TENM3: variants seen among roughly 807,000 people sequenced by gnomAD.
TENM3 encodes teneurin-3.
Under a neutral mutation model 255.1 loss-of-function variants are expected in TENM3, and 63 were observed. That is an observed-to-expected ratio of 0.25 (90% CI 0.20 to 0.30). The LOEUF is 0.30. Ranked by LOEUF, TENM3 falls within the 10% of genes least tolerant of loss-of-function variation. The pLI is 1.00. For missense variants in TENM3, 2,929 were observed against 3,461.1 expected, an observed-to-expected ratio of 0.85 and a Z score of 3.86; for synonymous variants, 1,306 against 1,322.3, an observed-to-expected ratio of 0.99 and a Z score of 0.27.
intron 3 of TENM3, among the ~76,000 whole-genome samples, chr4:182,376,515 C>T (rs1460541649): frequency 6.6e-6 from 1 of 152,054 alleles, no homozygotes; most frequent in Non-Finnish European, 1.5e-5. Context: ...AATTATTTAC[C>T]TCAAGTTTAA....
At chr4:182,617,482 T>C (rs2152444107) in intron 4 of TENM3, among the ~76,000 whole-genome samples, 1 of 152,310 alleles carries the variant, frequency 6.6e-6, no homozygotes. Flanking sequence ...AAATGTCATT[T>C]TGGAAAAGTC....
At chr4:182,477,991 A>G (rs1380244948) in intron 3 of TENM3, among the ~76,000 whole-genome samples, 2 of 152,158 alleles carry the variant, frequency 1.3e-5, no homozygotes, top group Non-Finnish European at 2.9e-5. Context: ...ATACTTTTAT[A>G]TCATACCAAT....
chr4:181,821,008 G>A, the TENM3 span, among the ~76,000 whole-genome samples: 22 of 152,256 alleles, frequency 1.4e-4, 1 homozygote, highest in Middle Eastern at 3.4e-3. Context: ...TCAATTTCCA[G>A]GTTGGGCAGT....
At chr4:182,479,439 C>T (rs554395209) in intron 3 of TENM3, among the ~76,000 whole-genome samples, 65 of 152,002 alleles carry the variant, frequency 4.3e-4, no homozygotes, top group African/African-American at 1.4e-3. Context: ...ATCCCCAGAA[C>T]ACTGCAGCCT....
rs70954298 is a variant in TENM3 at position 182,186,762 on chromosome 4, CATAT to C, written c.-76+42057_-76+42060del. ...TTGGGTAAGAAATATACTAATGCATCATATATATATATATATATATATATATATA... is the reference window on the plus strand; with the variant it reads ...TTGGGTAAGAAATATACTAATGCATCATATATATATATATATATATATATA... On this transcript the variant is annotated intron_variant, in intron 1 of 2. Transcript: ENST00000512480. 4.7e-3 allele frequency among the ~76,000 whole-genome samples: 128 copies of C among 27,412 alleles called. 1 individual carries two copies. Among genetic ancestry groups the C allele is most frequent in the Non-Finnish European group, 5.7e-3 (77 of 13,478 alleles). 18.0% of individuals were successfully genotyped at this position (27,412 alleles called of 152,430 possible).
At chr4:182,772,246 T>TATC (rs1235575950) in intron 22 of TENM3, among the ~76,000 whole-genome samples, 1 of 152,206 alleles carries the variant, frequency 6.6e-6, no homozygotes, top group Admixed American at 6.5e-5. Context: ...AAAACACCTC[T>TATC]ATCCTTTTAT....
At chr4:182,614,660 G>C (rs1409935757) in intron 4 of TENM3, among the ~76,000 whole-genome samples, 4 of 152,088 alleles carry the variant, frequency 2.6e-5, no homozygotes, top group African/African-American at 9.6e-5. Context: ...TAAAAAACTA[G>C]TCCTCCTAGT....
chr4:181,904,195 G>T, the TENM3 span, among the ~76,000 whole-genome samples: 13 of 151,934 alleles, frequency 8.6e-5, no homozygotes, highest in South Asian at 2.7e-3. Context: ...ATCCTCCACC[G>T]CCACCACCTT....
chr4:182,752,481 T>C (rs544900171), intron 20 of TENM3, among the ~76,000 whole-genome samples: 49 of 151,894 alleles, frequency 3.2e-4, no homozygotes, highest in Non-Finnish European at 5.6e-4. Flanking sequence ...TTTGTTTCTA[T>C]GCCATGGGAA....
intron 3 of TENM3, among the ~76,000 whole-genome samples, chr4:182,527,840 G>T (rs1425501885): frequency 6.6e-6 from 1 of 152,090 alleles, no homozygotes; most frequent in Admixed American, 6.5e-5. Flanking sequence ...CAGATCTTCT[G>T]CCTCAGCCTC....
At chr4:182,066,599 A>AAAAAATATAT in the TENM3 span, among the ~76,000 whole-genome samples, 13 of 137,104 alleles carry the variant, frequency 9.5e-5, no homozygotes, top group Non-Finnish European at 1.4e-4. Context: ...GTAAAAAAAA[A>AAAAAATATAT]ATATATATAT....
At chr4:181,726,409 A>G in the TENM3 span, among the ~76,000 whole-genome samples, 7 of 152,168 alleles carry the variant, frequency 4.6e-5, no homozygotes, top group African/African-American at 1.7e-4. Context: ...CTAACACTCT[A>G]TGTAGGTGTT....
At chr4:181,505,882 A>T in the TENM3 span, among the ~76,000 whole-genome samples, 1 of 152,194 alleles carries the variant, frequency 6.6e-6, no homozygotes, top group Non-Finnish European at 1.5e-5. Context: ...CCTAAAAACA[A>T]CAAATAGAGG....
At chr4:182,100,466 TACAC>T in the TENM3 span, among the ~76,000 whole-genome samples, 39 of 107,182 alleles carry the variant, frequency 3.6e-4, no homozygotes, top group East Asian at 5.9e-4. Context: ...TATATATATA[TACAC>T]ACACACACAC....
intron 3 of TENM3, among the ~76,000 whole-genome samples, chr4:182,542,414 T>G (rs1373678724): frequency 6.6e-6 from 1 of 152,184 alleles, no homozygotes; most frequent in Non-Finnish European, 1.5e-5. Flanking sequence ...GTAATGTAAA[T>G]TCAATGGGCA....
intron 3 of TENM3, among the ~76,000 whole-genome samples, chr4:182,490,414 A>T (rs1735177543): frequency 6.6e-6 from 1 of 152,126 alleles, no homozygotes; most frequent in Non-Finnish European, 1.5e-5. Flanking sequence ...CTATCTTTAA[A>T]ATTCTGCCCT....
chr4:182,548,950 T>G (rs1176971404), intron 3 of TENM3, among the ~76,000 whole-genome samples: 1 of 152,218 alleles, frequency 6.6e-6, no homozygotes, highest in African/African-American at 2.4e-5. Flanking sequence ...TTATGATATT[T>G]TCTACAGAAC....
chr4:181,500,773 T>G, the TENM3 span, among the ~76,000 whole-genome samples: 1 of 152,336 alleles, frequency 6.6e-6, no homozygotes, highest in East Asian at 1.9e-4. Flanking sequence ...GTTTTCTTCT[T>G]TCTGCAGAGG....
the TENM3 span, among the ~76,000 whole-genome samples, chr4:181,633,073 T>C: frequency 6.6e-6 from 1 of 152,152 alleles, no homozygotes; most frequent in Non-Finnish European, 1.5e-5. Flanking sequence ...CAATTTCTCT[T>C]CCCTGGGGGA....
Sources: gnomAD v4.1 joint callset for allele counts (sites outside exome capture counted in the v4.1 genomes callset) on GRCh38, gnomAD v4.1.1 for gene constraint, MANE v1.5 for transcripts, NCBI Gene and HGNC (gene_info 2026-07-23, HGNC 2026-07-21) for gene names.